The following ZNRF1 variants were observed in gnomAD, a reference collection of about 807,000 sequenced individuals.
The protein encoded by ZNRF1 is E3 ubiquitin-protein ligase ZNRF1.
A neutral mutation model predicts 18.4 loss-of-function variants in ZNRF1; 3 were observed. The observed-to-expected ratio is 0.16, with a 90% CI of 0.07 to 0.42. The LOEUF is 0.42. ZNRF1 is among the 10% of genes least tolerant of loss of function. The pLI is 0.99. For synonymous variants in ZNRF1, 157 were observed against 144.2 expected (o/e 1.09, Z -0.64); for missense variants, 310 against 329.8 (o/e 0.94, Z 0.47).
intron 2 of ZNRF1, among the ~76,000 whole-genome samples, chr16:75,099,499 C>G (rs972284438): frequency 1.9e-4 from 29 of 152,236 alleles, no homozygotes; most frequent in Non-Finnish European, 7.4e-5. Flanking sequence ...GGCACTGACA[C>G]CATCCCCAGC....
intron 1 of ZNRF1, among the ~76,000 whole-genome samples, chr16:75,085,433 T>G (rs1039731389): frequency 7.9e-5 from 12 of 152,262 alleles, no homozygotes; most frequent in African/African-American, 2.9e-4. Context: ...TCCATTCTGT[T>G]GACCAACATT....
chr16:75,102,639 G>A (rs2036267248), intron 2 of ZNRF1, among the ~76,000 whole-genome samples: 2 of 152,088 alleles, frequency 1.3e-5, no homozygotes, highest in African/African-American at 2.4e-5. Context: ...TGCCTTCTTT[G>A]GATTTTGGTC....
rs373573969 is a variant in ZNRF1 at position 75,029,700 on chromosome 16, C to G, written c.424+29605C>G. Among the ~76,000 whole-genome samples the G allele has an allele frequency of 3.9e-5, 6 of 152,026 alleles. No individual in the cohort carries two copies. The South Asian group carries it at 1.2e-3, about 32-fold the overall frequency. ...TGGAGAATCGCTTGAACCTAGGAGG[C>G]GGAGGTTGCAGTGAGCCAAGATCAT... On this transcript the variant is annotated intron_variant, in intron 1 of 4. Transcript: ENST00000335325.
chr16:75,032,992 A>G (rs148994716), intron 1 of ZNRF1, among the ~76,000 whole-genome samples: 432 of 152,300 alleles, frequency 2.8e-3, no homozygotes, highest in African/African-American at 1.0e-2. Flanking sequence ...CATCTGGGTG[A>G]CAGAGCAAGA....
rs1268491979 is a variant in ZNRF1, at chr16:74,999,372, CCGGGGGCGGCCTGTGGCGCG to C, written c.-296_-277del. ...CTGCGGCTCCCCCGGCTTTCGGAGC[CCGGGGGCGGCCTGTGGCGCG>C]CGGAGCCCGCGCCGGACTGCGCCTC... is the stretch of plus-strand genomic sequence containing the variant. On this transcript the variant is annotated 5_prime_UTR_variant, in exon 1 of 5. Transcript: ENST00000335325. 8.8e-6 allele frequency: 2 copies of C among 226,744 alleles called. No individual in the cohort carries two copies. The highest frequency in any genetic ancestry group is 1.6e-4 in the East Asian group (2 of 12,326). The allele number at this position is 226,744 out of a possible 1,614,324, so 14.0% of individuals were successfully genotyped here.
chr16:75,046,950 A>G (rs564891177), intron 1 of ZNRF1: 70 of 153,322 alleles, frequency 4.6e-4, no homozygotes, highest in Admixed American at 1.2e-3. Flanking sequence ...CCAAAATGAA[A>G]TGTTTATATT....
chr16:75,035,047 C>T (rs1426085403), intron 1 of ZNRF1, among the ~76,000 whole-genome samples: 4 of 152,058 alleles, frequency 2.6e-5, no homozygotes, highest in Non-Finnish European at 5.9e-5. Context: ...ACCATTTTAC[C>T]ATTTTACATT....
In ZNRF1 at chr16:75,077,224, G is replaced by A. The variant is rs368540467; in HGVS notation, c.425-16348G>A. On this transcript the variant is annotated intron_variant, in intron 1 of 4. Coordinates refer to ENST00000335325, the MANE Select transcript of ZNRF1 (RefSeq NM_032268.5). ...TGGCCAACATGGTGAAACCCCATCT[G>A]TACTGAAAATACAAAAAATTAGCTG... Among the ~76,000 whole-genome samples the A allele has an allele frequency of 1.4e-4, 21 of 152,212 alleles. 2 individuals are homozygous for A. Among genetic ancestry groups the A allele is most frequent in the South Asian group, 1.0e-3 (5 of 4,810 alleles).
intron 1 of ZNRF1, among the ~76,000 whole-genome samples, chr16:75,010,711 G>GTGTTTTTT (rs1367958306): frequency 2.7e-5 from 2 of 74,324 alleles, no homozygotes; most frequent in Admixed American, 1.6e-4. Flanking sequence ...GTTTTTTTTT[G>GTGTTTTTT]TTTTTTTGTT....
At chr16:75,024,059 G>A (rs1325156142) in intron 1 of ZNRF1, among the ~76,000 whole-genome samples, 1 of 151,902 alleles carries the variant, frequency 6.6e-6, no homozygotes, top group African/African-American at 2.4e-5. Context: ...TAGTAGAAAC[G>A]GGGTTTCACC....
chr16:75,050,891 A>C lies in ZNRF1; in HGVS notation c.425-42681A>C, dbSNP rs1298827389. ...GTCTCAAAAAAAAAAAAAAAAAACAAAAAAAAACAAAAAACTTGTAGCCAG... is the reference window on the plus strand; with the variant it reads ...GTCTCAAAAAAAAAAAAAAAAAACACAAAAAAACAAAAAACTTGTAGCCAG... On this transcript the variant is annotated intron_variant, in intron 1 of 4. Coordinates refer to ENST00000335325, the MANE Select transcript of ZNRF1 (RefSeq NM_032268.5). Among the ~76,000 whole-genome samples, 57 of 127,594 alleles carry C rather than the reference A, an allele frequency of 4.5e-4. 2 individuals carry two copies. The highest frequency in any genetic ancestry group is 1.7e-3 in the African/African-American group (52 of 30,424). 83.7% of individuals were successfully genotyped at this position (127,594 alleles called of 152,430 possible).
chr16:75,025,871 G>C (rs1208363702), intron 1 of ZNRF1, among the ~76,000 whole-genome samples: 1 of 150,204 alleles, frequency 6.7e-6, no homozygotes, highest in East Asian at 2.0e-4. Context: ...AAAACACCAG[G>C]CAGTGGGGGG....
intron 1 of ZNRF1, among the ~76,000 whole-genome samples, chr16:75,077,260 C>T (rs954980319): frequency 2.6e-5 from 4 of 152,264 alleles, no homozygotes; most frequent in South Asian, 2.1e-4. Context: ...GGGCTGGGCG[C>T]GGTGGCTCAC....
intron 1 of ZNRF1, among the ~76,000 whole-genome samples, chr16:75,091,957 A>G (rs1392636152): frequency 6.6e-6 from 1 of 152,138 alleles, no homozygotes; most frequent in Admixed American, 6.5e-5. Context: ...AATGTATTAT[A>G]TACTGTATTA....
chr16:75,030,190 A>G (rs1335150112), intron 1 of ZNRF1, among the ~76,000 whole-genome samples: 2 of 152,212 alleles, frequency 1.3e-5, no homozygotes, highest in Admixed American at 6.5e-5. Context: ...CACATTTACC[A>G]TACTCATGAC....
chr16:75,086,132 G>T (rs2036070964), intron 1 of ZNRF1, among the ~76,000 whole-genome samples: 1 of 152,028 alleles, frequency 6.6e-6, no homozygotes, highest in Non-Finnish European at 1.5e-5. Context: ...CTCACCTTGG[G>T]GAGGGCGGTC....
At chr16:75,066,262 G>A (rs2035802738) in intron 1 of ZNRF1, among the ~76,000 whole-genome samples, 2 of 152,206 alleles carry the variant, frequency 1.3e-5, no homozygotes, top group Admixed American at 6.5e-5. Context: ...GCCTAATAGT[G>A]TATTGAGGAC....
At chr16:75,075,896 C>T (rs1215290518) in intron 1 of ZNRF1, among the ~76,000 whole-genome samples, 4 of 152,262 alleles carry the variant, frequency 2.6e-5, no homozygotes, top group East Asian at 3.9e-4. Context: ...TGAAGATGGC[C>T]ATTGGAGATG....
chr16:75,066,798 CT>C (rs1412695180), intron 1 of ZNRF1, among the ~76,000 whole-genome samples: 1 of 152,290 alleles, frequency 6.6e-6, no homozygotes, highest in East Asian at 1.9e-4. Flanking sequence ...GCCACCACCC[CT>C]AGCCTAGATC....
Sources: gnomAD v4.1 joint callset for allele counts (sites outside exome capture counted in the v4.1 genomes callset) on GRCh38, gnomAD v4.1.1 for gene constraint, MANE v1.5 for transcripts, NCBI Gene and HGNC (gene_info 2026-07-23, HGNC 2026-07-21) for gene names.